Variants in KCNIP4 observed in about 807,000 individuals in gnomAD.
The protein encoded by KCNIP4 is potassium voltage-gated channel interacting protein 4, also known as Kv channel-interacting protein 4.
KCNIP4 carries 12 observed loss-of-function variants against 34.0 expected under a neutral mutation model. The observed-to-expected ratio is 0.35, with a 90% CI of 0.23 to 0.57. KCNIP4 has a LOEUF of 0.57. Ranked by LOEUF, KCNIP4 falls within the 20% of genes least tolerant of loss-of-function variation. The pLI, the probability that KCNIP4 is intolerant of heterozygous loss-of-function variation, is 0.83. For synonymous variants in KCNIP4, 124 were observed against 102.2 expected (o/e 1.21, Z -1.29); for missense variants, 238 against 311.7 (o/e 0.76, Z 1.78).
chr4:21,532,385 ATACT>A (rs1042090188), intron 1 of KCNIP4, among the ~76,000 whole-genome samples: 5 of 152,198 alleles, frequency 3.3e-5, no homozygotes, highest in Non-Finnish European at 5.9e-5. Flanking sequence ...GTTCATGAAC[ATACT>A]TAATAATAGA....
At chr4:21,407,701 C>T (rs2109576672) in intron 1 of KCNIP4, among the ~76,000 whole-genome samples, 1 of 152,242 alleles carries the variant, frequency 6.6e-6, no homozygotes, top group South Asian at 2.1e-4. Context: ...TTTTGAACTC[C>T]CTAAAAATTT....
intron 1 of KCNIP4, among the ~76,000 whole-genome samples, chr4:21,559,186 A>G (rs1483155379): frequency 2.0e-5 from 3 of 152,104 alleles, no homozygotes; most frequent in African/African-American, 4.8e-5. Context: ...CAGGCCCTAG[A>G]CCAGTAAGTA....
At chr4:21,759,053 C>T (rs1577951466) in intron 1 of KCNIP4, among the ~76,000 whole-genome samples, 1 of 152,142 alleles carries the variant, frequency 6.6e-6, no homozygotes, top group Non-Finnish European at 1.5e-5. Context: ...GTTAGTATTA[C>T]TCATGACATT....
chr4:21,483,979 C>T (rs1336147415), intron 1 of KCNIP4, among the ~76,000 whole-genome samples: 1 of 149,952 alleles, frequency 6.7e-6, no homozygotes, highest in African/African-American at 2.5e-5. Flanking sequence ...TCCTGTACAG[C>T]CTGCAGAACC....
chr4:21,375,778 A>G (rs540217861), intron 1 of KCNIP4, among the ~76,000 whole-genome samples: 3 of 151,844 alleles, frequency 2.0e-5, no homozygotes, highest in Non-Finnish European at 4.4e-5. Flanking sequence ...CCGTGTTACC[A>G]GGATGGTCTT....
At chr4:21,579,589 C>T (rs111615442) in intron 1 of KCNIP4, among the ~76,000 whole-genome samples, 9 of 152,154 alleles carry the variant, frequency 5.9e-5, no homozygotes, top group African/African-American at 1.9e-4. Context: ...ACTCTACATT[C>T]AGAATTCTGG....
intron 1 of KCNIP4, among the ~76,000 whole-genome samples, chr4:21,520,099 C>T (rs1270686561): frequency 6.6e-6 from 1 of 151,830 alleles, no homozygotes; most frequent in South Asian, 2.1e-4. Flanking sequence ...CGTTTTTCGG[C>T]CTGCTTTATA....
chr4:21,434,627 T>A (rs1332456684), intron 1 of KCNIP4, among the ~76,000 whole-genome samples: 1 of 151,996 alleles, frequency 6.6e-6, no homozygotes, highest in Non-Finnish European at 1.5e-5. Context: ...GGCATTAGAT[T>A]CTCACAGGAG....
chr4:21,061,039 A>G (rs1227158239), intron 1 of KCNIP4, among the ~76,000 whole-genome samples: 1 of 152,182 alleles, frequency 6.6e-6, no homozygotes, highest in East Asian at 1.9e-4. Flanking sequence ...AATTCATTAT[A>G]ACATTTTATT....
intron 1 of KCNIP4, among the ~76,000 whole-genome samples, chr4:21,666,256 A>T: frequency 6.6e-6 from 1 of 152,226 alleles, no homozygotes; most frequent in East Asian, 1.9e-4. Flanking sequence ...CAGCTTGATG[A>T]GAAGATATAT....
chr4:21,520,318 T>C (rs1735416652), intron 1 of KCNIP4, among the ~76,000 whole-genome samples: 1 of 152,160 alleles, frequency 6.6e-6, no homozygotes. Context: ...CCAGCCATAC[T>C]GGCACTCTGA....
intron 1 of KCNIP4, among the ~76,000 whole-genome samples, chr4:21,354,181 C>T (rs1330930659): frequency 1.3e-5 from 2 of 152,244 alleles, no homozygotes; most frequent in Non-Finnish European, 1.5e-5. Context: ...CTGGTACCAG[C>T]CACTGCAAAA....
chr4:21,332,708 G>A (rs1385199958), intron 1 of KCNIP4, among the ~76,000 whole-genome samples: 1 of 151,786 alleles, frequency 6.6e-6, no homozygotes. Flanking sequence ...TTACATCAGT[G>A]GAGAGTCCCA....
intron 1 of KCNIP4, among the ~76,000 whole-genome samples, chr4:21,056,456 G>T (rs752522640): frequency 6.6e-6 from 1 of 152,086 alleles, no homozygotes; most frequent in Admixed American, 6.5e-5. Flanking sequence ...AAATTGTCAC[G>T]TATTTGTCCA....
At chr4:21,213,113 G>C (rs777316353) in intron 1 of KCNIP4, among the ~76,000 whole-genome samples, 1 of 152,048 alleles carries the variant, frequency 6.6e-6, no homozygotes, top group Admixed American at 6.6e-5. Context: ...AGGTCCGGAC[G>C]AGGTGCATGC....
intron 1 of KCNIP4, among the ~76,000 whole-genome samples, chr4:20,988,939 T>C (rs1394363106): frequency 1.3e-5 from 2 of 152,242 alleles, no homozygotes; most frequent in Non-Finnish European, 2.9e-5. Flanking sequence ...CAGTGGGATT[T>C]GTGTAAGAAA....
At chr4:21,445,831 C>T (rs1318316640) in intron 1 of KCNIP4, among the ~76,000 whole-genome samples, 1 of 152,116 alleles carries the variant, frequency 6.6e-6, no homozygotes, top group Non-Finnish European at 1.5e-5. Flanking sequence ...TCAGAGTGAA[C>T]AGGCAACACA....
At chr4:21,665,161 C>T (rs1048053289) in intron 1 of KCNIP4, among the ~76,000 whole-genome samples, 1 of 152,084 alleles carries the variant, frequency 6.6e-6, no homozygotes, top group Non-Finnish European at 1.5e-5. Context: ...TTTTTTAAAG[C>T]TTTATCGTTG....
intron 1 of KCNIP4, among the ~76,000 whole-genome samples, chr4:21,779,911 A>G (rs59556436): frequency 0.02 from 2,903 of 144,570 alleles, 81 homozygotes; most frequent in African/African-American, 0.07. Context: ...AGCCTAAGCA[A>G]TAGAGTAAGA....
Sources: allele counts gnomAD v4.1 joint callset (sites outside exome capture counted in the v4.1 genomes callset), GRCh38; gene constraint gnomAD v4.1.1; transcripts MANE v1.5; gene names NCBI Gene and HGNC (gene_info 2026-07-23, HGNC 2026-07-21).